Variants in WDHD1 observed in about 807,000 individuals in gnomAD.
The protein encoded by WDHD1 is WD repeat and HMG-box DNA-binding protein 1.
WDHD1 carries 111 observed loss-of-function variants against 135.4 expected under a neutral mutation model. That is an observed-to-expected ratio of 0.82 (90% CI 0.70 to 0.96). The LOEUF (loss-of-function observed/expected upper bound fraction) is 0.96, where lower values mean the gene tolerates loss of function less well. WDHD1 is among the 40% of genes least tolerant of loss of function. The pLI is 0.00. For synonymous variants in WDHD1, 434 were observed against 439.0 expected, an observed-to-expected ratio of 0.99 and a Z score of 0.14; for missense variants, 1,351 against 1,336.3, an observed-to-expected ratio of 1.01 and a Z score of -0.17.
At position 54,991,977 on chromosome 14, in the gene WDHD1, G is replaced by A. The variant is rs118038899; in HGVS notation, c.1154-577C>T. Among the ~76,000 whole-genome samples the A allele has an allele frequency of 4.6e-3, 706 of 152,310 alleles. 8 individuals carry two copies. The highest frequency in any genetic ancestry group is 7.0e-3 in the Non-Finnish European group (473 of 68,036). The stretch of plus-strand genomic sequence containing the variant: ...TGATAACATTTGAGCTTTCAGGCCA[G>A]GCACGGTGGCTCACACCTGTAATCC... On this transcript the variant is annotated intron_variant, in intron 11 of 25. Transcript: ENST00000360586.
intron 16 of WDHD1, among the ~76,000 whole-genome samples, chr14:54,972,655 T>C (rs2041460204): frequency 6.9e-6 from 1 of 145,424 alleles, no homozygotes; most frequent in African/African-American, 2.6e-5. Context: ...CGGTATGAGT[T>C]GTCAAAAAAG....
intron 6 of WDHD1, 32 bp from the exon 7 acceptor site, chr14:55,007,407 T>G: frequency 6.8e-7 from 1 of 1,471,620 alleles, no homozygotes; most frequent in Non-Finnish European, 9.3e-7. Context: ...TTTCTTTCCT[T>G]TATGAAAATC....
At chr14:54,966,014 A>G (rs2041335130) in intron 18 of WDHD1, among the ~76,000 whole-genome samples, 1 of 151,508 alleles carries the variant, frequency 6.6e-6, no homozygotes, top group Non-Finnish European at 1.5e-5. Flanking sequence ...AGAACTTTAC[A>G]AGGGAAAACA....
intron 10 of WDHD1, among the ~76,000 whole-genome samples, chr14:54,996,195 T>C (rs2041875902): frequency 6.6e-6 from 1 of 152,206 alleles, no homozygotes; most frequent in Non-Finnish European, 1.5e-5. Context: ...TTTACTTTTA[T>C]TTTGAACAAA....
Position 55,010,330 on chromosome 14 carries a change from G to T in WDHD1, c.320C>A (p.Thr107Asn). Residue 107 changes from threonine (T) to asparagine (N), a missense_variant, in exon 4 of 26, where the codon ACT becomes AAT. Physicochemically the swap from Thr to Asn is moderately conservative, Grantham distance 65. Transcript: ENST00000360586. Reference protein sequence around the residue: ...ANHVVFNGDGTKIAAGSSDFL... With the variant: ...ANHVVFNGDGNKIAAGSSDFL... Reference sequence around the variant, plus strand: ...TTACCTAGATCCAGCAGCAATTTTAGTACCATCCCCATTAAAGACCACATG... The same window carrying T: ...TTACCTAGATCCAGCAGCAATTTTATTACCATCCCCATTAAAGACCACATG... 6.2e-7 allele frequency: 1 copy of T among 1,606,200 alleles called. No individual in the cohort carries two copies.
In WDHD1 at chr14:55,010,368, A is replaced by T. The variant is rs2042148679; in HGVS notation, c.282T>A (p.Thr94=). Residue 94 remains threonine, a synonymous_variant, in exon 4 of 26, where the codon ACT becomes ACA. Transcript: ENST00000360586. ...TAAAGACCACATGGTTTGCATTTGT[A>T]GTGAAGCGAGTCAATATACCATCTG... is the stretch of plus-strand genomic sequence containing the variant. ...GVPDGILTRF[T]TNANHVVFNG... 6.2e-7 allele frequency: 1 copy of T among 1,613,562 alleles called. No homozygotes were observed. The highest frequency in any genetic ancestry group is 1.3e-5 in the African/African-American group (1 of 75,016).
intron 15 of WDHD1, 101 bp downstream of exon 15, chr14:54,984,622 T>C (rs2140193808): frequency 2.0e-6 from 2 of 990,574 alleles, no homozygotes; most frequent in East Asian, 6.4e-5. Flanking sequence ...AGATAATTTA[T>C]TCTTAAATTA....
At chr14:55,003,114 T>A (rs759771810) in intron 7 of WDHD1, among the ~76,000 whole-genome samples, 46 of 152,286 alleles carry the variant, frequency 3.0e-4, no homozygotes, top group Non-Finnish European at 5.6e-4. Flanking sequence ...AACTTTATTT[T>A]AAAAAATTTT....
chr14:54,974,251 G>A (rs1595082653), intron 16 of WDHD1, among the ~76,000 whole-genome samples: 1 of 151,712 alleles, frequency 6.6e-6, no homozygotes, highest in Admixed American at 6.6e-5. Flanking sequence ...GCAAAACCTC[G>A]TCTCTACAAA....
At chr14:55,008,780 C>T (rs2042115122) in intron 4 of WDHD1, 61 bp from the exon 5 acceptor site, 2 of 1,176,286 alleles carry the variant, frequency 1.7e-6, no homozygotes, top group Non-Finnish European at 2.4e-6. Flanking sequence ...CTCCTAAAAG[C>T]TATGATCCAA....
At chr14:55,012,865 C>A (rs2042193794) in intron 3 of WDHD1, among the ~76,000 whole-genome samples, 1 of 152,106 alleles carries the variant, frequency 6.6e-6, no homozygotes, top group Non-Finnish European at 1.5e-5. Context: ...CCACCTCCCA[C>A]CACTGTTATG....
At chr14:54,981,207 A>AT (rs1406350060) in intron 16 of WDHD1, among the ~76,000 whole-genome samples, 1 of 152,006 alleles carries the variant, frequency 6.6e-6, no homozygotes, top group Non-Finnish European at 1.5e-5. Flanking sequence ...ATATTGTTTT[A>AT]TTTTCACTTT....
chr14:55,008,767 C>T (rs760083329), intron 4 of WDHD1, 48 bp from the exon 5 acceptor site: 1 of 1,330,092 alleles, frequency 7.5e-7, no homozygotes. Context: ...AACACAAAGG[C>T]CTCTCCTAAA....
At position 55,002,373 on chromosome 14, in the gene WDHD1, G is replaced by T. The variant is rs117745004; in HGVS notation, c.601-188C>A. ...TTGGTCTCTAACTCCTGGGTTCAAG[G>T]GATCTTCCTGGCTCAGCCTCCTAAG... is the stretch of plus-strand genomic sequence containing the variant. On this transcript the variant is annotated intron_variant, in intron 7 of 25. Transcript: ENST00000360586. 5.9e-5 allele frequency among the ~76,000 whole-genome samples: 9 copies of T among 152,030 alleles called. No individual in the cohort carries two copies. The East Asian group carries it at 1.3e-3, about 23-fold the overall frequency.
At chr14:55,008,774 T>A in intron 4 of WDHD1, 55 bp from the exon 5 acceptor site, 39 of 1,047,290 alleles carry the variant, frequency 3.7e-5, no homozygotes, top group Middle Eastern at 2.3e-4. Flanking sequence ...AGGCCTCTCC[T>A]AAAAGCTATG....
At position 54,998,065 on chromosome 14, in the gene WDHD1, T is replaced by C. The variant is rs991465450; in HGVS notation, c.943-2252A>G. Among the ~76,000 whole-genome samples, 7 of 151,276 alleles carry C rather than the reference T, an allele frequency of 4.6e-5. No individual in the cohort carries two copies. In the East Asian group the frequency reaches 1.4e-3, roughly 30 times the overall value. On this transcript the variant is annotated intron_variant, in intron 10 of 25. Coordinates refer to ENST00000360586, the MANE Select transcript of WDHD1 (RefSeq NM_007086.4). ...TGTCTCTACTAAAAATACAAAAAATTAGCAGGGCGTGGTGGTGGGTGCCTG... is the reference window on the plus strand; with the variant it reads ...TGTCTCTACTAAAAATACAAAAAATCAGCAGGGCGTGGTGGTGGGTGCCTG...
intron 16 of WDHD1, among the ~76,000 whole-genome samples, chr14:54,976,802 T>C (rs1234341100): frequency 1.3e-5 from 2 of 152,004 alleles, no homozygotes; most frequent in Admixed American, 6.6e-5. Context: ...AAGAAAAATA[T>C]TCTTATTCAA....
chr14:54,946,856 C>T (rs946260714), intron 24 of WDHD1, among the ~76,000 whole-genome samples: 3 of 151,974 alleles, frequency 2.0e-5, no homozygotes, highest in African/African-American at 7.3e-5. Flanking sequence ...CCAGCCTGGC[C>T]AACGTGGCAA....
At position 54,940,578 on chromosome 14, in the gene WDHD1, T is replaced by C. The variant is rs2040823401; in HGVS notation, c.*912A>G. 6.6e-6 allele frequency: 1 copy of C among 152,178 alleles called. No homozygotes were observed. Among genetic ancestry groups the C allele is most frequent in the South Asian group, 2.1e-4 (1 of 4,830 alleles). 9.4% of individuals were successfully genotyped at this position (152,178 alleles called of 1,614,324 possible). ...GTCTCTGCTTAGAAAACCAAAAATGTATGACATGATTAAACCTTGTTTGTT... is the reference window on the plus strand; with the variant it reads ...GTCTCTGCTTAGAAAACCAAAAATGCATGACATGATTAAACCTTGTTTGTT... On this transcript the variant is annotated 3_prime_UTR_variant, in exon 26 of 26. Transcript: ENST00000360586.
Sources: gnomAD v4.1 joint callset for allele counts (sites outside exome capture counted in the v4.1 genomes callset) on GRCh38, gnomAD v4.1.1 for gene constraint, MANE v1.5 for transcripts, NCBI Gene and HGNC (gene_info 2026-07-23, HGNC 2026-07-21) for gene names.